MIPOL1: variants seen among roughly 807,000 people sequenced by gnomAD.
MIPOL1 encodes the protein mirror-image polydactyly 1, also known as mirror-image polydactyly gene 1 protein.
In MIPOL1, 57 loss-of-function variants were observed where a neutral mutation model predicts 60.9. The ratio of observed to expected loss-of-function variants is 0.94; its 90% CI spans 0.76 to 1.17. The LOEUF (loss-of-function observed/expected upper bound fraction) is 1.17. Among genes scored for constraint, MIPOL1 ranks in the 50% most tolerant of loss-of-function variants. MIPOL1 has a pLI of 0.00. For synonymous variants in MIPOL1, 179 were observed against 168.8 expected, an observed-to-expected ratio of 1.06 and a Z score of -0.47; for missense variants, 551 against 511.6, an observed-to-expected ratio of 1.08 and a Z score of -0.74.
Position 37,257,886 on chromosome 14 carries a change from G to A in MIPOL1, c.20-9052G>A, listed in dbSNP as rs189051802. Among the ~76,000 whole-genome samples the A allele has an allele frequency of 2.5e-4, 38 of 152,252 alleles. 1 individual carries two copies. Among genetic ancestry groups the A allele is most frequent in the African/African-American group, 8.9e-4 (37 of 41,558 alleles). On this transcript the variant is annotated intron_variant, in intron 3 of 12. Coordinates refer to ENST00000684589, the MANE Select transcript of MIPOL1 (RefSeq NM_001388067.1). ...TGCTGACGAATACTAATAAATGCCT[G>A]CAACAATCCAGACGAGAGATGCCTG...
At chr14:37,362,089 G>T (rs2092288788) in intron 9 of MIPOL1, among the ~76,000 whole-genome samples, 1 of 152,042 alleles carries the variant, frequency 6.6e-6, no homozygotes, top group Non-Finnish European at 1.5e-5. Flanking sequence ...TCCTTTAATT[G>T]GGGCATTTAG....
chr14:37,445,735 A>G (rs999296150), intron 11 of MIPOL1, among the ~76,000 whole-genome samples: 14 of 151,796 alleles, frequency 9.2e-5, no homozygotes, highest in African/African-American at 1.7e-4. Context: ...ATATAGATCA[A>G]TGGAACAGAA....
chr14:37,383,806 C>A (rs2092991938), intron 10 of MIPOL1, among the ~76,000 whole-genome samples: 1 of 151,828 alleles, frequency 6.6e-6, no homozygotes, highest in African/African-American at 2.4e-5. Flanking sequence ...TCTAATTAAG[C>A]AAATGTTTTA....
intron 1 of MIPOL1, among the ~76,000 whole-genome samples, chr14:37,226,426 G>C (rs532058975): frequency 6.6e-6 from 1 of 152,194 alleles, no homozygotes; most frequent in East Asian, 1.9e-4. Context: ...TGAAAGGCAC[G>C]TCTCACAAGG....
intron 9 of MIPOL1, among the ~76,000 whole-genome samples, chr14:37,351,877 G>A (rs2153473714): frequency 6.6e-6 from 1 of 151,444 alleles, no homozygotes; most frequent in East Asian, 1.9e-4. Context: ...CACTCTGATG[G>A]TAGTTTCTCT....
chr14:37,380,118 T>C (rs2092886257), intron 10 of MIPOL1, among the ~76,000 whole-genome samples: 1 of 152,120 alleles, frequency 6.6e-6, no homozygotes, highest in African/African-American at 2.4e-5. Flanking sequence ...TGGGTCCATG[T>C]AGACAGCTGT....
At chr14:37,267,214 G>C in intron 4 of MIPOL1, 45 bp downstream of exon 4, 2 of 1,458,920 alleles carry the variant, frequency 1.4e-6, no homozygotes, top group Non-Finnish European at 9.5e-7. Context: ...GGGGCCAGGC[G>C]TGGTGGCTCA....
At chr14:37,470,319 T>C (rs2094664886) in intron 11 of MIPOL1, among the ~76,000 whole-genome samples, 1 of 152,100 alleles carries the variant, frequency 6.6e-6, no homozygotes, top group Non-Finnish European at 1.5e-5. Context: ...CCACCTGATA[T>C]GGCTTGGATT....
intron 1 of MIPOL1, among the ~76,000 whole-genome samples, chr14:37,211,788 C>T (rs547670193): frequency 4.6e-5 from 7 of 151,856 alleles, no homozygotes; most frequent in South Asian, 4.2e-4. Flanking sequence ...CCCCAGGCTG[C>T]GTAGCTCCCA....
intron 11 of MIPOL1, among the ~76,000 whole-genome samples, chr14:37,496,772 G>T (rs2153610999): frequency 6.6e-6 from 1 of 152,194 alleles, no homozygotes. Context: ...AGCTACCAAT[G>T]ACTTTCTTCA....
chr14:37,385,162 C>A (rs2093030848), intron 10 of MIPOL1, among the ~76,000 whole-genome samples: 1 of 151,936 alleles, frequency 6.6e-6, no homozygotes, highest in African/African-American at 2.4e-5. Flanking sequence ...AAAGAAACTG[C>A]TGTAAAATAT....
At chr14:37,268,910 G>T in intron 5 of MIPOL1, 117 bp downstream of exon 5, 1 of 859,966 alleles carries the variant, frequency 1.2e-6, no homozygotes, top group South Asian at 2.2e-5. Flanking sequence ...TTTAACAGTA[G>T]CTTTATGTTT....
At chr14:37,392,692 T>A (rs530588826) in intron 10 of MIPOL1, among the ~76,000 whole-genome samples, 14 of 152,320 alleles carry the variant, frequency 9.2e-5, no homozygotes, top group Non-Finnish European at 2.1e-4. Context: ...TGAGAAAGTT[T>A]TAGGCACTGA....
At chr14:37,257,799 G>T (rs147460642) in intron 3 of MIPOL1, among the ~76,000 whole-genome samples, 1 of 152,100 alleles carries the variant, frequency 6.6e-6, no homozygotes, top group African/African-American at 2.4e-5. Context: ...ATGACAAAGG[G>T]TTATATAGCA....
intron 11 of MIPOL1, among the ~76,000 whole-genome samples, chr14:37,454,983 C>T (rs577230838): frequency 9.2e-5 from 14 of 152,240 alleles, no homozygotes; most frequent in African/African-American, 3.4e-4. Flanking sequence ...CCTTGAACTG[C>T]CTCTACATAC....
chr14:37,481,160 C>A (rs534709331), intron 11 of MIPOL1, among the ~76,000 whole-genome samples: 4 of 152,078 alleles, frequency 2.6e-5, no homozygotes, highest in South Asian at 4.1e-4. Context: ...ACACAAAAAA[C>A]AAATACAGTA....
intron 10 of MIPOL1, among the ~76,000 whole-genome samples, chr14:37,391,471 C>T (rs1021777364): frequency 2.0e-5 from 3 of 151,590 alleles, no homozygotes; most frequent in Non-Finnish European, 4.4e-5. Context: ...TCTCAGCTCC[C>T]TGCAACCTCC....
chr14:37,482,946 A>G lies in MIPOL1; in HGVS notation c.1032-16962A>G, dbSNP rs111824821. Among the ~76,000 whole-genome samples, 551 of 152,212 alleles carry G rather than the reference A, an allele frequency of 3.6e-3. 5 individuals carry two copies. Among genetic ancestry groups the G allele is most frequent in the African/African-American group, 0.012 (485 of 41,536 alleles). ...CATGGATAGTCAAATCCCTTGTGTA[A>G]AATGTTGTAGTGTTTGCACATAACC... On this transcript the variant is annotated intron_variant, in intron 11 of 12. Transcript: ENST00000684589.
At chr14:37,317,670 A>G (rs1317892896) in intron 9 of MIPOL1, among the ~76,000 whole-genome samples, 1 of 152,172 alleles carries the variant, frequency 6.6e-6, no homozygotes, top group Non-Finnish European at 1.5e-5. Context: ...AAGTCCATGT[A>G]TTAGAATTCT....
Sources: gnomAD v4.1 joint callset for allele counts (sites outside exome capture counted in the v4.1 genomes callset) on GRCh38, gnomAD v4.1.1 for gene constraint, MANE v1.5 for transcripts, NCBI Gene and HGNC (gene_info 2026-07-23, HGNC 2026-07-21) for gene names.